The following LRRC4C variants were observed in gnomAD, a reference collection of about 807,000 sequenced individuals.
LRRC4C encodes leucine rich repeat containing 4C, also known as leucine-rich repeat-containing protein 4C.
LRRC4C carries 5 observed loss-of-function variants against 33.6 expected under a neutral mutation model. That is an observed-to-expected ratio of 0.15 (90% CI 0.08 to 0.31). The LOEUF (loss-of-function observed/expected upper bound fraction) is 0.31. Among genes scored for constraint, LRRC4C ranks in the 10% least tolerant of loss-of-function variants. LRRC4C has a pLI of 1.00. For synonymous variants in LRRC4C, 329 were observed against 302.0 expected, an observed-to-expected ratio of 1.09 and a Z score of -0.93; for missense variants, 560 against 796.7, an observed-to-expected ratio of 0.70 and a Z score of 3.58.
intron 2 of LRRC4C, among the ~76,000 whole-genome samples, chr11:40,863,147 A>C (rs1954185599): frequency 6.6e-6 from 1 of 152,212 alleles, no homozygotes; most frequent in Non-Finnish European, 1.5e-5. Context: ...TTCAAGTTCA[A>C]TTCCACTGTT....
At chr11:41,286,752 A>C (rs912330102) in intron 1 of LRRC4C, among the ~76,000 whole-genome samples, 4 of 151,894 alleles carry the variant, frequency 2.6e-5, no homozygotes, top group African/African-American at 9.7e-5. Flanking sequence ...TTAACAGGCT[A>C]ATAATTATGA....
rs550891855 is a variant in LRRC4C at position 40,276,622 on chromosome 11, C to T, written c.-175-35024G>A. Among the ~76,000 whole-genome samples the T allele has an allele frequency of 3.2e-4, 49 of 151,044 alleles. No homozygotes were observed. In the South Asian group the frequency reaches 0.01, roughly 32 times the overall value. The stretch of plus-strand genomic sequence containing the variant: ...TGGCACATGTCTCTAGAAGGCCCTT[C>T]AGGAGAAGTCATGTGGGAATTCAGG... On this transcript the variant is annotated intron_variant, in intron 4 of 6. Transcript: ENST00000528697.
intron 3 of LRRC4C, among the ~76,000 whole-genome samples, chr11:40,483,846 G>A (rs908402038): frequency 1.3e-5 from 2 of 151,100 alleles, no homozygotes; most frequent in African/African-American, 2.4e-5. Flanking sequence ...TTTTTGTGAA[G>A]AGAAAAAATC....
intron 1 of LRRC4C, among the ~76,000 whole-genome samples, chr11:41,035,426 T>C (rs1258231223): frequency 6.6e-6 from 1 of 152,092 alleles, no homozygotes; most frequent in Non-Finnish European, 1.5e-5. Context: ...TTTCCCTCTC[T>C]GTGACCATGT....
At chr11:41,286,367 C>G (rs2922029) in intron 1 of LRRC4C, among the ~76,000 whole-genome samples, 118,881 of 152,066 alleles carry the variant, frequency 0.78, 47,345 homozygotes, top group Admixed American at 0.86. Context: ...ACTCAACAAA[C>G]GATACTTTCT....
chr11:40,262,310 A>G (rs1256559591), intron 4 of LRRC4C, among the ~76,000 whole-genome samples: 6 of 152,152 alleles, frequency 3.9e-5, no homozygotes, highest in Non-Finnish European at 2.9e-5. Context: ...TCAGAATGGC[A>G]ATCATTAAAA....
intron 5 of LRRC4C, among the ~76,000 whole-genome samples, chr11:40,234,676 TG>T (rs1483467081): frequency 2.6e-5 from 4 of 152,112 alleles, no homozygotes; most frequent in African/African-American, 9.7e-5. Flanking sequence ...GAGGCTGAGA[TG>T]GGAGGATCAC....
At chr11:40,761,055 A>T (rs2137071133) in intron 2 of LRRC4C, among the ~76,000 whole-genome samples, 1 of 151,818 alleles carries the variant, frequency 6.6e-6, no homozygotes, top group South Asian at 2.1e-4. Context: ...AAGCACATCT[A>T]AACCCATAGC....
Position 40,415,289 on chromosome 11 carries a change from G to A in LRRC4C, c.-269-95568C>T, listed in dbSNP as rs544348813. Among the ~76,000 whole-genome samples, 10 of 152,294 alleles carry A rather than the reference G, an allele frequency of 6.6e-5. No individual in the cohort carries two copies. In the South Asian group the frequency reaches 1.9e-3, roughly 28 times the overall value. On this transcript the variant is annotated intron_variant, in intron 3 of 6. Transcript: ENST00000528697. ...CACATACAAGCTCATGCTCAGAAGAGCCAATGGCTTGGTTTAATGCTCTCT... is the reference window on the plus strand; with the variant it reads ...CACATACAAGCTCATGCTCAGAAGAACCAATGGCTTGGTTTAATGCTCTCT...
At chr11:40,956,093 T>C (rs1168847986) in intron 1 of LRRC4C, among the ~76,000 whole-genome samples, 3 of 151,766 alleles carry the variant, frequency 2.0e-5, no homozygotes, top group African/African-American at 4.8e-5. Flanking sequence ...GAAAGCGAGG[T>C]TGAGGGCTCT....
At chr11:40,849,297 T>C (rs1953360351) in intron 2 of LRRC4C, among the ~76,000 whole-genome samples, 1 of 152,254 alleles carries the variant, frequency 6.6e-6, no homozygotes, top group Non-Finnish European at 1.5e-5. Flanking sequence ...CCTTTCCACA[T>C]TTAGTGCTTC....
intron 1 of LRRC4C, among the ~76,000 whole-genome samples, chr11:41,203,744 T>C (rs1401398057): frequency 6.6e-6 from 1 of 152,188 alleles, no homozygotes; most frequent in South Asian, 2.1e-4. Flanking sequence ...AATGACCTAA[T>C]ATATAGACAG....
At position 40,696,770 on chromosome 11, in the gene LRRC4C, A is replaced by ATATG. The variant is rs1261988700; in HGVS notation, c.-406-48493_-406-48492insCATA. On this transcript the variant is annotated intron_variant, in intron 2 of 6. Transcript: ENST00000528697. ...TGTGTATATATATATATATATATAT[A>ATATG]TATATCTGAGTATATATATATACTC... Among the ~76,000 whole-genome samples the ATATG allele has an allele frequency of 9.9e-3, 1,433 of 144,626 alleles. 79 individuals carry two copies. Among genetic ancestry groups the ATATG allele is most frequent in the Admixed American group, 0.074 (1,072 of 14,478 alleles). The allele number at this position is 144,626 out of a possible 152,430, so 94.9% of individuals were successfully genotyped here.
intron 1 of LRRC4C, among the ~76,000 whole-genome samples, chr11:41,191,971 G>A (rs1945969412): frequency 6.6e-6 from 1 of 152,080 alleles, no homozygotes; most frequent in Admixed American, 6.6e-5. Flanking sequence ...ATTCTCAAGT[G>A]TAAGATGGTA....
intron 2 of LRRC4C, among the ~76,000 whole-genome samples, chr11:40,864,957 A>G (rs1221651165): frequency 2.0e-5 from 3 of 152,176 alleles, no homozygotes; most frequent in Non-Finnish European, 4.4e-5. Context: ...ACCTCAACAG[A>G]TGATCAAACC....
chr11:41,017,358 T>C (rs1269061708), intron 1 of LRRC4C, among the ~76,000 whole-genome samples: 1 of 152,172 alleles, frequency 6.6e-6, no homozygotes, highest in Non-Finnish European at 1.5e-5. Flanking sequence ...GAAGCTTTTA[T>C]TTTCACTTTT....
chr11:41,013,669 G>C (rs538169100), intron 1 of LRRC4C, among the ~76,000 whole-genome samples: 1 of 152,110 alleles, frequency 6.6e-6, no homozygotes, highest in African/African-American at 2.4e-5. Context: ...CAAGATCAAG[G>C]TGTCAGTAAG....
chr11:40,760,719 T>C (rs1003478901), intron 2 of LRRC4C, among the ~76,000 whole-genome samples: 1 of 150,374 alleles, frequency 6.7e-6, no homozygotes, highest in African/African-American at 2.4e-5. Flanking sequence ...CAAGTGATCC[T>C]TCTACCTCAG....
At chr11:41,195,362 T>C (rs985965954) in intron 1 of LRRC4C, among the ~76,000 whole-genome samples, 7 of 152,094 alleles carry the variant, frequency 4.6e-5, no homozygotes, top group Non-Finnish European at 8.8e-5. Context: ...CATCATTAAT[T>C]AGTCTGCATA....
Sources: gnomAD v4.1 joint callset for allele counts (sites outside exome capture counted in the v4.1 genomes callset) on GRCh38, gnomAD v4.1.1 for gene constraint, MANE v1.5 for transcripts, NCBI Gene and HGNC (gene_info 2026-07-23, HGNC 2026-07-21) for gene names.